SLC2A9: variants seen among roughly 807,000 people sequenced by gnomAD.
SLC2A9 encodes the protein solute carrier family 2, facilitated glucose transporter member 9.
SLC2A9 carries 39 observed loss-of-function variants against 50.6 expected under a neutral mutation model. The observed-to-expected ratio is 0.77, with a 90% CI of 0.60 to 1.01. The LOEUF (loss-of-function observed/expected upper bound fraction) is 1.01, where lower values mean the gene tolerates loss of function less well. Among genes scored for constraint, SLC2A9 ranks in the 50% least tolerant of loss-of-function variants. SLC2A9 has a pLI of 0.00. For missense variants in SLC2A9, 686 were observed against 677.6 expected, an observed-to-expected ratio of 1.01 and a Z score of -0.14; for synonymous variants, 324 against 276.9, an observed-to-expected ratio of 1.17 and a Z score of -1.69.
At chr4:9,991,404 G>A (rs377337620) in intron 3 of SLC2A9, among the ~76,000 whole-genome samples, 36 of 152,226 alleles carry the variant, frequency 2.4e-4, no homozygotes, top group Admixed American at 4.6e-4. Flanking sequence ...ACCCTTGAAC[G>A]CATGTAACCT....
At chr4:9,915,130 C>T (rs1421021777) in intron 7 of SLC2A9, among the ~76,000 whole-genome samples, 1 of 152,168 alleles carries the variant, frequency 6.6e-6, no homozygotes, top group Non-Finnish European at 1.5e-5. Flanking sequence ...GCTGGGAAGT[C>T]AGAGGATGTG....
At chr4:9,838,696 G>A (rs939932124) in intron 10 of SLC2A9, among the ~76,000 whole-genome samples, 1 of 152,056 alleles carries the variant, frequency 6.6e-6, no homozygotes, top group African/African-American at 2.4e-5. Context: ...CCAGAAATAA[G>A]ACTGTGCACC....
At chr4:9,925,637 A>G (rs1409469822) in intron 6 of SLC2A9, among the ~76,000 whole-genome samples, 1 of 152,196 alleles carries the variant, frequency 6.6e-6, no homozygotes, top group Non-Finnish European at 1.5e-5. Context: ...TTGGCACATA[A>G]TTTGTGTTCA....
chr4:9,868,861 TG>T lies in SLC2A9; in HGVS notation c.1291+18705del, dbSNP rs1259314826. Among the ~76,000 whole-genome samples the T allele has an allele frequency of 2.0e-5, 3 of 152,194 alleles. No homozygotes were observed. In the East Asian group the frequency reaches 5.8e-4, roughly 29 times the overall value. The stretch of plus-strand genomic sequence containing the variant: ...CATGTTTGCATTACATTTTGAGCAG[TG>T]GTGAGGTTCCCAGGGGGAGAACAGC... On this transcript the variant is annotated intron_variant, in intron 10 of 11. Transcript: ENST00000264784.
At chr4:9,926,106 T>C (rs1744844490) in intron 6 of SLC2A9, among the ~76,000 whole-genome samples, 1 of 151,772 alleles carries the variant, frequency 6.6e-6, no homozygotes, top group Admixed American at 6.6e-5. Flanking sequence ...CAGGTGTCTG[T>C]ACACCTGCTG....
chr4:9,925,522 T>C (rs1577919140), intron 6 of SLC2A9, among the ~76,000 whole-genome samples: 1 of 152,186 alleles, frequency 6.6e-6, no homozygotes, highest in African/African-American at 2.4e-5. Context: ...GACCCCAGAC[T>C]AGTTACCTAT....
At chr4:10,032,851 G>T (rs1026354051) in intron 1 of SLC2A9, among the ~76,000 whole-genome samples, 5 of 152,198 alleles carry the variant, frequency 3.3e-5, no homozygotes, top group Admixed American at 3.3e-4. Flanking sequence ...GCATAGTGAG[G>T]TTGCAGTTCT....
At chr4:9,776,573 C>T (rs1717597329), downstream of SLC2A9, among the ~76,000 whole-genome samples, 1 of 152,030 alleles carries the variant, frequency 6.6e-6, no homozygotes, top group South Asian at 2.1e-4. Flanking sequence ...CAGGCAGCAC[C>T]TGCTGTCATT....
chr4:9,980,609 G>A lies in SLC2A9; in HGVS notation c.664C>T (p.Pro222Ser). The A allele has an allele frequency of 6.2e-7, 1 of 1,614,178 alleles. No homozygotes were observed. The highest frequency in any genetic ancestry group is 1.1e-5 in the South Asian group (1 of 91,082). Residue 222 changes from proline (P) to serine (S), a missense_variant, in exon 5 of 12, where the codon CCC (proline) becomes TCC (serine). Pro to Ser is a moderately conservative substitution (Grantham distance 74). Transcript: ENST00000264784. ...GVFTGQLLGL[P>S]ELLGKESTWP... ...ACACTCACCTTTCCCAGCAGCTCGG[G>A]CAGGCCCAGAAGCTGCCCAGTGAAC...
chr4:9,831,469 G>C (rs550218905), intron 11 of SLC2A9, among the ~76,000 whole-genome samples: 10 of 152,146 alleles, frequency 6.6e-5, no homozygotes, highest in Non-Finnish European at 1.2e-4. Flanking sequence ...AGTTTAGAGG[G>C]CAGGTGTATA....
intron 7 of SLC2A9, among the ~76,000 whole-genome samples, chr4:9,915,591 A>G (rs1426140739): frequency 6.6e-6 from 1 of 152,186 alleles, no homozygotes; most frequent in East Asian, 1.9e-4. Context: ...ACAGCTGGGG[A>G]AACTGAGGCA....
At chr4:9,930,955 C>G (rs2110165361) in intron 6 of SLC2A9, among the ~76,000 whole-genome samples, 1 of 152,250 alleles carries the variant, frequency 6.6e-6, no homozygotes, top group East Asian at 1.9e-4. Flanking sequence ...CAGATGTGTG[C>G]AGGCTGTGTA....
At chr4:9,894,621 T>G (rs1738170441) in intron 8 of SLC2A9, among the ~76,000 whole-genome samples, 1 of 152,248 alleles carries the variant, frequency 6.6e-6, no homozygotes, top group Non-Finnish European at 1.5e-5. Flanking sequence ...TGGCAATTTT[T>G]CATAACTGTG....
At chr4:10,021,766 A>C (rs1031515296), upstream of SLC2A9, among the ~76,000 whole-genome samples, 2 of 151,510 alleles carry the variant, frequency 1.3e-5, no homozygotes, top group Non-Finnish European at 2.9e-5. Context: ...ATACCTCCCT[A>C]ATGCTTGGAA....
intron 1 of SLC2A9, 37 bp downstream of exon 1, chr4:10,021,243 A>C: frequency 6.2e-7 from 1 of 1,607,630 alleles, no homozygotes; most frequent in Non-Finnish European, 8.5e-7. Context: ...CCTTCCCCAC[A>C]GCCCGCCAGC....
At chr4:10,005,651 C>T (rs9291642) in intron 2 of SLC2A9, among the ~76,000 whole-genome samples, 132,588 of 152,236 alleles carry the variant, frequency 0.87, 57,877 homozygotes, top group East Asian at 0.98. Flanking sequence ...GTACTAACTA[C>T]AGCCTAAACT....
At chr4:9,846,218 T>C (rs925251154) in intron 10 of SLC2A9, among the ~76,000 whole-genome samples, 7 of 152,148 alleles carry the variant, frequency 4.6e-5, no homozygotes, top group Non-Finnish European at 1.0e-4. Context: ...AATTTGAAAA[T>C]GCACAGGCTC....
intron 1 of SLC2A9, among the ~76,000 whole-genome samples, chr4:9,772,710 C>T (rs1388906955): frequency 6.6e-6 from 1 of 151,814 alleles, no homozygotes; most frequent in African/African-American, 2.4e-5. Flanking sequence ...TGTAGCATTG[C>T]TGTAAAAAAA....
chr4:9,771,584 G>T (rs1321305421), intron 1 of SLC2A9, among the ~76,000 whole-genome samples: 3 of 152,208 alleles, frequency 2.0e-5, no homozygotes, highest in South Asian at 2.1e-4. Flanking sequence ...CATATCAATG[G>T]GTTCATCCCA....
Sources: allele counts gnomAD v4.1 joint callset (sites outside exome capture counted in the v4.1 genomes callset), GRCh38; gene constraint gnomAD v4.1.1; transcripts MANE v1.5; gene names NCBI Gene and HGNC (gene_info 2026-07-23, HGNC 2026-07-21).